Variants in CTNNA1 observed in about 807,000 individuals in gnomAD.
The protein encoded by CTNNA1 is catenin alpha 1.
A neutral mutation model predicts 98.4 loss-of-function variants in CTNNA1; 37 were observed. The ratio of observed to expected loss-of-function variants is 0.38; its 90% CI spans 0.29 to 0.49. The LOEUF is 0.49. Among genes scored for constraint, CTNNA1 ranks in the 20% least tolerant of loss-of-function variants. The probability of loss-of-function intolerance (pLI) is 0.95; values close to 1 mark genes in which losing one functional copy is unlikely to be tolerated. For synonymous variants in CTNNA1, 404 were observed against 413.2 expected (o/e 0.98, Z 0.27); for missense variants, 761 against 1,147.2 (o/e 0.66, Z 4.86).
At chr5:138,773,714 T>G (rs1753791982) in intron 1 of CTNNA1, among the ~76,000 whole-genome samples, 2 of 141,438 alleles carry the variant, frequency 1.4e-5, no homozygotes, top group South Asian at 4.5e-4. Context: ...GGTGAATTAA[T>G]TTTTTTTTTT....
intron 9 of CTNNA1, among the ~76,000 whole-genome samples, chr5:138,896,688 A>G (rs1756885182): frequency 6.6e-6 from 1 of 152,140 alleles, no homozygotes; most frequent in African/African-American, 2.4e-5. Context: ...CACTGAGGGC[A>G]TTTCTTTCAT....
At chr5:138,932,920 G>A (rs1348315919) in intron 17 of CTNNA1, 2 of 795,124 alleles carry the variant, frequency 2.5e-6, no homozygotes, top group Non-Finnish European at 4.5e-6. Flanking sequence ...TGCAAGGGCT[G>A]AAAGGCTGGC....
chr5:138,824,730 C>T lies in CTNNA1; in HGVS notation c.789C>T (p.Ala263=). ...TTTCCAATGCAGCCCAGGCCACTGC[C>T]TCAGACGATGCCTCACAGCACCAGG... ...TGISNAAQAT[A]SDDASQHQGG... Residue 263 remains alanine, a synonymous_variant, in exon 6 of 18, where the codon GCC becomes GCT. Coordinates refer to ENST00000302763, the MANE Select transcript of CTNNA1 (RefSeq NM_001903.5). 1 of 1,614,206 alleles carries T rather than the reference C, an allele frequency of 6.2e-7. No homozygotes were observed. The highest frequency in any genetic ancestry group is 1.1e-5 in the South Asian group (1 of 91,080).
chr5:138,901,411 C>T lies in CTNNA1; in HGVS notation c.1297-2938C>T, dbSNP rs182647068. ...CTGGCCTCAAGCAGTCCGCCCACCT[C>T]GGCCTCCCAAACTGCTGGTATTACA... On this transcript the variant is annotated intron_variant, in intron 9 of 17. Coordinates refer to ENST00000302763, the MANE Select transcript of CTNNA1 (RefSeq NM_001903.5). Among the ~76,000 whole-genome samples the T allele has an allele frequency of 3.2e-4, 49 of 152,262 alleles. 1 individual carries two copies. The East Asian group carries it at 3.5e-3, about 11-fold the overall frequency.
At chr5:138,804,869 C>T (rs553717937) in intron 3 of CTNNA1, among the ~76,000 whole-genome samples, 18 of 152,194 alleles carry the variant, frequency 1.2e-4, no homozygotes, top group East Asian at 1.9e-4. Flanking sequence ...TATATTAGTC[C>T]GTTCTCACAT....
chr5:138,790,042 A>G (rs1169514063), intron 3 of CTNNA1, among the ~76,000 whole-genome samples: 1 of 152,208 alleles, frequency 6.6e-6, no homozygotes, highest in Non-Finnish European at 1.5e-5. Flanking sequence ...CAGGGAGATT[A>G]GTGTTAGCTG....
At chr5:138,823,410 CAG>C (rs749511667) in intron 5 of CTNNA1, among the ~76,000 whole-genome samples, 26 of 152,176 alleles carry the variant, frequency 1.7e-4, no homozygotes, top group Non-Finnish European at 3.4e-4. Flanking sequence ...CGTATCTATA[CAG>C]AGTCTTATAA....
chr5:138,871,609 T>C (rs1434640804), intron 7 of CTNNA1: 1 of 152,260 alleles, frequency 6.6e-6, no homozygotes, highest in Admixed American at 6.5e-5. Flanking sequence ...TAATCATTGT[T>C]GGCTGCCTTG....
chr5:138,793,707 G>A (rs1166261102), intron 3 of CTNNA1, among the ~76,000 whole-genome samples: 1 of 152,218 alleles, frequency 6.6e-6, no homozygotes, highest in Admixed American at 6.5e-5. Flanking sequence ...TGAAATGCAT[G>A]TTATGCATTT....
chr5:138,901,069 T>C (rs1249269398), intron 9 of CTNNA1, among the ~76,000 whole-genome samples: 3 of 152,188 alleles, frequency 2.0e-5, no homozygotes, highest in African/African-American at 7.2e-5. Context: ...CTACGAAGTC[T>C]TGGCTCTGCT....
chr5:138,818,725 CTCT>C (rs1225617789), intron 5 of CTNNA1, among the ~76,000 whole-genome samples: 2 of 152,092 alleles, frequency 1.3e-5, no homozygotes, highest in South Asian at 2.1e-4. Context: ...TGGGGTCCTC[CTCT>C]TCTTGTTTTT....
intron 3 of CTNNA1, 37 bp from the exon 4 acceptor site, chr5:138,809,984 GATCAGTTATTTGAGTTC>G (rs1417679106): frequency 7.8e-6 from 12 of 1,538,486 alleles, no homozygotes; most frequent in Non-Finnish European, 1.1e-5. Flanking sequence ...TAAAAATGTA[GATCAGTTATTTGAGTTC>G]ATTCTTGCTG....
At chr5:138,914,788 C>T (rs775062449) in intron 10 of CTNNA1, among the ~76,000 whole-genome samples, 7 of 152,156 alleles carry the variant, frequency 4.6e-5, no homozygotes, top group Non-Finnish European at 7.4e-5. Context: ...CCCCCACACT[C>T]CTGCCTCATC....
At chr5:138,856,316 T>C (rs1043626205) in intron 7 of CTNNA1, among the ~76,000 whole-genome samples, 1 of 152,166 alleles carries the variant, frequency 6.6e-6, no homozygotes, top group Non-Finnish European at 1.5e-5. Context: ...GTCACTACAC[T>C]GTGATGGTGC....
At chr5:138,864,615 C>A (rs1764569098) in intron 7 of CTNNA1, among the ~76,000 whole-genome samples, 1 of 152,118 alleles carries the variant, frequency 6.6e-6, no homozygotes, top group African/African-American at 2.4e-5. Flanking sequence ...TAAATCCTCC[C>A]ATAGTTAGCT....
chr5:138,793,069 C>A (rs1756550983), intron 3 of CTNNA1, among the ~76,000 whole-genome samples: 1 of 152,164 alleles, frequency 6.6e-6, no homozygotes. Context: ...CAATTCATAC[C>A]TTTCAGATGT....
At chr5:138,928,581 A>AG (rs1342819305) in intron 13 of CTNNA1, among the ~76,000 whole-genome samples, 1 of 152,230 alleles carries the variant, frequency 6.6e-6, no homozygotes, top group East Asian at 1.9e-4. Flanking sequence ...TTTTCTACCC[A>AG]GGACAGTTCT....
intron 5 of CTNNA1, among the ~76,000 whole-genome samples, chr5:138,823,698 C>A (rs966513949): frequency 1.3e-5 from 2 of 152,118 alleles, no homozygotes; most frequent in Non-Finnish European, 2.9e-5. Flanking sequence ...TGGCTCACGC[C>A]TGTAATCCCA....
intron 7 of CTNNA1, among the ~76,000 whole-genome samples, chr5:138,858,267 C>T (rs964558700): frequency 4.0e-5 from 6 of 151,858 alleles, no homozygotes; most frequent in East Asian, 1.9e-4. Flanking sequence ...GCTAGCAGCA[C>T]GGGTATGCAC....
Sources: allele counts gnomAD v4.1 joint callset (sites outside exome capture counted in the v4.1 genomes callset), GRCh38; gene constraint gnomAD v4.1.1; transcripts MANE v1.5; gene names NCBI Gene and HGNC (gene_info 2026-07-23, HGNC 2026-07-21).